NPC1: variants seen among roughly 807,000 people sequenced by gnomAD.
NPC1 encodes Niemann-Pick C1 protein.
Under a neutral mutation model 140.4 loss-of-function variants are expected in NPC1, and 85 were observed. The observed-to-expected ratio is 0.61, with a 90% CI of 0.51 to 0.72. The LOEUF is 0.72. Ranked by LOEUF, NPC1 falls within the 30% of genes least tolerant of loss-of-function variation. NPC1 has a pLI of 0.00. For synonymous variants in NPC1, 656 were observed against 624.8 expected, an observed-to-expected ratio of 1.05 and a Z score of -0.74; for missense variants, 1,504 against 1,623.8, an observed-to-expected ratio of 0.93 and a Z score of 1.27.
intron 1 of NPC1, among the ~76,000 whole-genome samples, chr18:23,580,430 A>T (rs2059343592): frequency 6.6e-6 from 1 of 152,146 alleles, no homozygotes; most frequent in Non-Finnish European, 1.5e-5. Flanking sequence ...TTCAATATAA[A>T]CTTGTTCACT....
chr18:23,560,939 C>T (rs947153557), intron 5 of NPC1, among the ~76,000 whole-genome samples: 1 of 152,244 alleles, frequency 6.6e-6, no homozygotes, highest in Non-Finnish European at 1.5e-5. Context: ...ACCTCTCTTA[C>T]TGGGAGAAAC....
chr18:23,546,650 T>G (rs1313310940), intron 11 of NPC1, among the ~76,000 whole-genome samples: 1 of 152,220 alleles, frequency 6.6e-6, no homozygotes, highest in East Asian at 1.9e-4. Context: ...CAATGTGGTA[T>G]ATCCATACAA....
rs2058687925 is a variant in NPC1 at position 23,539,892 on chromosome 18, T to C, written c.2714A>G (p.Gln905Arg). The part of the protein sequence containing the change: ...EGHDYTSSKG[Q>R]NMVCGGMGCN... ...GCCCATGCCGCCGCACACCATGTTC[T>C]GCCCCTTGGAAGAAGTGTAGTCGTG... The change falls in exon 18 of 25, where the codon CAG becomes CGG. Residue 905 changes from glutamine (Q) to arginine (R), a missense_variant. By Grantham distance (43) the Gln-to-Arg change is conservative. Coordinates refer to ENST00000269228, the MANE Select transcript of NPC1 (RefSeq NM_000271.5). 6.2e-7 allele frequency: 1 copy of C among 1,614,092 alleles called. No homozygotes were observed. Among genetic ancestry groups the C allele is most frequent in the African/African-American group, 1.3e-5 (1 of 74,910 alleles).
intron 6 of NPC1, among the ~76,000 whole-genome samples, chr18:23,557,880 G>T (rs1315445945): frequency 1.3e-5 from 2 of 152,228 alleles, no homozygotes; most frequent in Non-Finnish European, 2.9e-5. Context: ...CAGGGAATAT[G>T]TAAGATAAAG....
rs1319488330 is a variant in NPC1, at chr18:23,547,947, G to C, written c.1757+59C>G. 5.0e-6 allele frequency: 5 copies of C among 1,006,718 alleles called. No individual in the cohort carries two copies. The East Asian group carries it at 7.1e-5, about 14-fold the overall frequency. The allele number at this position is 1,006,718 out of a possible 1,614,324, so 62.4% of individuals were successfully genotyped here. On this transcript the variant is annotated intron_variant, in intron 11 of 24. Coordinates refer to ENST00000269228, the MANE Select transcript of NPC1 (RefSeq NM_000271.5). ...AGAAAATGAAGTTTAAGTGCTTGCC[G>C]CAAGTGTCTAGCTTCCCACAATGCA...
At chr18:23,562,620 A>C (rs2059060018) in intron 4 of NPC1, among the ~76,000 whole-genome samples, 1 of 152,100 alleles carries the variant, frequency 6.6e-6, no homozygotes, top group African/African-American at 2.4e-5. Flanking sequence ...AGGCTCTATC[A>C]TGGCTGGTAA....
At chr18:23,572,833 C>T (rs2059223094) in intron 2 of NPC1, among the ~76,000 whole-genome samples, 1 of 152,194 alleles carries the variant, frequency 6.6e-6, no homozygotes, top group Non-Finnish European at 1.5e-5. Flanking sequence ...GAGCAAGGCT[C>T]CTTCTGTCTC....
At chr18:23,521,872 C>G (rs1372890384), downstream of NPC1, among the ~76,000 whole-genome samples, 1 of 152,156 alleles carries the variant, frequency 6.6e-6, no homozygotes, top group Non-Finnish European at 1.5e-5. Flanking sequence ...GCCTGTCCCT[C>G]GCAGCAGTCT....
At chr18:23,566,102 A>T (rs748656002) in intron 4 of NPC1, among the ~76,000 whole-genome samples, 1 of 152,144 alleles carries the variant, frequency 6.6e-6, no homozygotes, top group Non-Finnish European at 1.5e-5. Context: ...TTGCCTCAAC[A>T]TTAAAAAAAT....
intron 12 of NPC1, among the ~76,000 whole-genome samples, chr18:23,544,749 C>T (rs954755458): frequency 1.3e-5 from 2 of 152,082 alleles, no homozygotes; most frequent in Non-Finnish European, 2.9e-5. Context: ...TAAGAAAAAA[C>T]TGGATTATGT....
At position 23,582,797 on chromosome 18, in the gene NPC1, C is replaced by A. The variant is rs1340835626; in HGVS notation, c.57+3490G>T. Among the ~76,000 whole-genome samples the A allele has an allele frequency of 5.6e-5, 7 of 124,470 alleles. No homozygotes were observed. In the Admixed American group the frequency reaches 6.3e-4, roughly 11 times the overall value. 81.7% of individuals were successfully genotyped at this position (124,470 alleles called of 152,430 possible). A position where few individuals can be genotyped will look rare whatever the true frequency, so the allele number is the denominator to read the frequency against. ...TCCAGCCTGGGCAACCAAAGTAAGA[C>A]CTGGTCTTGAAAAAAAAAAAAAAAG... On this transcript the variant is annotated intron_variant, in intron 1 of 24. Transcript: ENST00000269228.
chr18:23,532,826 A>C (rs2058557322), intron 24 of NPC1: 3 of 959,422 alleles, frequency 3.1e-6, no homozygotes, highest in Non-Finnish European at 3.7e-6. Flanking sequence ...TTTAGTGACA[A>C]AGCTATAAAT....
chr18:23,518,941 C>A (rs772103682), downstream of NPC1: 1 of 1,614,204 alleles, frequency 6.2e-7, no homozygotes, highest in South Asian at 1.1e-5. Context: ...GGACCTCCAA[C>A]AGCACAGGAG....
At chr18:23,541,251 T>C (rs751587845) in intron 15 of NPC1, 43 bp from the exon 16 acceptor site, 2 of 1,614,222 alleles carry the variant, frequency 1.2e-6, no homozygotes, top group East Asian at 4.5e-5. Flanking sequence ...CGCTAGCTGC[T>C]TCCTCTAGAT....
At chr18:23,561,797 A>T (rs2059043808) in intron 4 of NPC1, among the ~76,000 whole-genome samples, 1 of 152,208 alleles carries the variant, frequency 6.6e-6, no homozygotes, top group Non-Finnish European at 1.5e-5. Context: ...CATAGCTCTC[A>T]CAACAGCTTG....
At chr18:23,516,445 T>C (rs774876794) in intron 3 of NPC1, 1 of 1,606,214 alleles carries the variant, frequency 6.2e-7, no homozygotes, top group Non-Finnish European at 8.5e-7. Flanking sequence ...TCAGAGAGAA[T>C]TCCATCCTGT....
chr18:23,558,157 G>A lies in NPC1; in HGVS notation c.882-967C>T, dbSNP rs139335510. ...AAACACCTTAGTTATAACTGTTGCA[G>A]ACAAGACCCAACAATGAATGCTAAA... On this transcript the variant is annotated intron_variant, in intron 6 of 24. Transcript: ENST00000269228. Among the ~76,000 whole-genome samples, 435 of 152,272 alleles carry A rather than the reference G, an allele frequency of 2.9e-3. 1 individual carries two copies. The highest frequency in any genetic ancestry group is 4.4e-3 in the Non-Finnish European group (300 of 68,002).
chr18:23,529,199 C>T, downstream of NPC1: 2 of 1,613,556 alleles, frequency 1.2e-6, no homozygotes, highest in African/African-American at 1.3e-5. Flanking sequence ...CAGGGCAGAG[C>T]CGAAGCAGCC....
chr18:23,546,952 G>C (rs907426799), intron 11 of NPC1, among the ~76,000 whole-genome samples: 1 of 152,086 alleles, frequency 6.6e-6, no homozygotes, highest in African/African-American at 2.4e-5. Context: ...ATATAGTAAA[G>C]CTACTGAATT....
Sources: allele counts gnomAD v4.1 joint callset (sites outside exome capture counted in the v4.1 genomes callset), GRCh38; gene constraint gnomAD v4.1.1; transcripts MANE v1.5; gene names NCBI Gene and HGNC (gene_info 2026-07-23, HGNC 2026-07-21).